RTL4: variants seen among roughly 807,000 people sequenced by gnomAD.
RTL4 encodes retrotransposon Gag-like protein 4.
RTL4 carries 4 observed loss-of-function variants against 5.3 expected under a neutral mutation model. That is an observed-to-expected ratio of 0.75 (90% confidence interval 0.37 to 1.72). The LOEUF is 1.72. Among genes scored for constraint, RTL4 ranks in the 40% most tolerant of loss-of-function variants. The pLI is 0.04. For synonymous variants in RTL4, 98 were observed against 87.3 expected (o/e 1.12, Z -0.68); for missense variants, 260 against 227.1 (o/e 1.14, Z -0.93).
the RTL4 span, among the ~76,000 whole-genome samples, chrX:112,441,081 A>G: frequency 1.4e-4 from 16 of 111,709 alleles, no homozygotes; most frequent in African/African-American, 5.2e-4. Flanking sequence ...GAAACATTTG[A>G]GCACATGCAA....
the RTL4 span, among the ~76,000 whole-genome samples, chrX:112,188,191 G>A: frequency 1.8e-5 from 2 of 111,185 alleles, no homozygotes; most frequent in Non-Finnish European, 3.8e-5. Context: ...TAAGCTCAAG[G>A]TGATGGTGCT....
the RTL4 span, among the ~76,000 whole-genome samples, chrX:112,234,131 G>T: frequency 9.0e-6 from 1 of 111,006 alleles, no homozygotes; most frequent in African/African-American, 3.3e-5. Flanking sequence ...GGCGGAAGTT[G>T]CAGTGAGCTG....
the RTL4 span, among the ~76,000 whole-genome samples, chrX:112,221,368 A>G: frequency 7.2e-5 from 8 of 111,726 alleles, no homozygotes; most frequent in African/African-American, 2.6e-4. Context: ...AGGTGGGGAC[A>G]CAAAGCCTTA....
the RTL4 span, among the ~76,000 whole-genome samples, chrX:112,292,738 A>G: frequency 8.9e-6 from 1 of 111,761 alleles, no homozygotes; most frequent in African/African-American, 3.3e-5. Flanking sequence ...AACTAACCTA[A>G]AGATTTATCC....
chrX:112,315,925 T>C, the RTL4 span, among the ~76,000 whole-genome samples: 1 of 111,903 alleles, frequency 8.9e-6, no homozygotes, highest in Non-Finnish European at 1.9e-5. Context: ...ACATATGGAT[T>C]CATGTGCAAC....
the RTL4 span, among the ~76,000 whole-genome samples, chrX:112,148,882 C>T: frequency 8.9e-6 from 1 of 111,809 alleles, no homozygotes; most frequent in Non-Finnish European, 1.9e-5. Context: ...GTGCCAGAAG[C>T]AGTCCTTTCG....
chrX:112,174,933 T>G, the RTL4 span, among the ~76,000 whole-genome samples: 1 of 74,307 alleles, frequency 1.3e-5, no homozygotes, highest in Non-Finnish European at 2.6e-5. Context: ...GGGGTTGTTT[T>G]TTTTCTTGTA....
chrX:112,233,168 A>T, the RTL4 span, among the ~76,000 whole-genome samples: 1 of 111,622 alleles, frequency 9.0e-6, no homozygotes, highest in East Asian at 2.8e-4. Flanking sequence ...CCAACCATAC[A>T]CCTACCAACA....
the RTL4 span, among the ~76,000 whole-genome samples, chrX:112,332,411 A>C: frequency 9.0e-6 from 1 of 110,710 alleles, no homozygotes; most frequent in South Asian, 3.9e-4. Context: ...TATTCACAAT[A>C]GCAAAGACCT....
At chrX:112,088,209 C>G in the RTL4 span, among the ~76,000 whole-genome samples, 1 of 102,195 alleles carries the variant, frequency 9.8e-6, no homozygotes, top group African/African-American at 3.6e-5. Context: ...ATCACTCCCC[C>G]ATTTCCGCCC....
chrX:112,257,931 T>C, the RTL4 span, among the ~76,000 whole-genome samples: 1 of 105,152 alleles, frequency 9.5e-6, no homozygotes, highest in African/African-American at 3.6e-5. Context: ...TAAGCTAGGT[T>C]CATTGAAGAA....
the RTL4 span, among the ~76,000 whole-genome samples, chrX:112,305,677 T>C: frequency 2.3e-3 from 255 of 112,013 alleles, no homozygotes; most frequent in African/African-American, 7.9e-3. Flanking sequence ...AACCATACCT[T>C]TTTAAATAAG....
At chrX:112,363,306 T>C in the RTL4 span, among the ~76,000 whole-genome samples, 2 of 111,301 alleles carry the variant, frequency 1.8e-5, no homozygotes, top group African/African-American at 6.5e-5. Flanking sequence ...TTTCTTCCTA[T>C]TAAATGGTTG....
chrX:112,454,566 C>A, exon 1 of RTL4: 1 of 464,168 alleles, frequency 2.2e-6, no homozygotes, highest in South Asian at 5.4e-5. Context: ...GGCATCTCTC[C>A]AATTCAGCTG....
the RTL4 span, among the ~76,000 whole-genome samples, chrX:112,148,587 A>G: frequency 2.7e-5 from 3 of 111,539 alleles, no homozygotes; most frequent in East Asian, 8.5e-4. Flanking sequence ...TCAGATAAAG[A>G]TACATATCCT....
the RTL4 span, among the ~76,000 whole-genome samples, chrX:112,323,630 A>C: frequency 7.3e-5 from 8 of 110,095 alleles, no homozygotes; most frequent in African/African-American, 2.6e-4. Context: ...AGTAGCTGGG[A>C]CTACAGGCAC....
chrX:112,287,259 C>A, the RTL4 span, among the ~76,000 whole-genome samples: 1 of 111,174 alleles, frequency 9.0e-6, no homozygotes, highest in Non-Finnish European at 1.9e-5. Context: ...AAAGCACTGA[C>A]AAATAATGAG....
At chrX:112,133,374 CA>C in the RTL4 span, among the ~76,000 whole-genome samples, 2 of 111,575 alleles carry the variant, frequency 1.8e-5, no homozygotes, top group Non-Finnish European at 3.8e-5. Context: ...TGACTACTGT[CA>C]GGGGGAAATG....
chrX:112,091,529 A>C, the RTL4 span, among the ~76,000 whole-genome samples: 2 of 111,674 alleles, frequency 1.8e-5, no homozygotes, highest in Non-Finnish European at 3.8e-5. Flanking sequence ...TTTAATGTCC[A>C]CATATTTGTG....
Sources: gnomAD v4.1 joint callset for allele counts (sites outside exome capture counted in the v4.1 genomes callset) on GRCh38, gnomAD v4.1.1 for gene constraint, MANE v1.5 for transcripts, NCBI Gene and HGNC (gene_info 2026-07-23, HGNC 2026-07-21) for gene names.